Variants in ITGA2B observed in about 807,000 individuals in gnomAD.
The protein encoded by ITGA2B is integrin alpha-IIb.
In ITGA2B, 91 loss-of-function variants were observed where a neutral mutation model predicts 142.0. The ratio of observed to expected loss-of-function variants is 0.64; its 90% CI spans 0.54 to 0.76. ITGA2B has a LOEUF of 0.76. ITGA2B is among the 30% of genes least tolerant of loss of function. The pLI is 0.00. For missense variants in ITGA2B, 1,231 were observed against 1,350.8 expected (o/e 0.91, Z 1.39); for synonymous variants, 536 against 567.2 (o/e 0.94, Z 0.78).
chr17:44,378,869 G>A (rs775768151), intron 18 of ITGA2B, among the ~76,000 whole-genome samples, 159 bp from the exon 19 acceptor site: 6 of 152,198 alleles, frequency 3.9e-5, no homozygotes, highest in Non-Finnish European at 8.8e-5. Flanking sequence ...ATCGGGGCTC[G>A]GGTTTATTTG....
intron 29 of ITGA2B, among the ~76,000 whole-genome samples, chr17:44,372,873 A>T (rs2143420079): frequency 6.6e-6 from 1 of 152,122 alleles, no homozygotes; most frequent in East Asian, 2.0e-4. Flanking sequence ...TGCCTGCCTC[A>T]GCCTCCCATT....
At position 44,389,388 on chromosome 17, in the gene ITGA2B, G is replaced by A. The variant is rs760833641; in HGVS notation, c.86C>T (p.Ala29Val). 5.0e-6 allele frequency: 8 copies of A among 1,614,098 alleles called. No individual in the cohort carries two copies. In the Admixed American group the frequency reaches 1.2e-4, roughly 24 times the overall value. ...LLLGPCAAPPAWALNLDPVQL... is the reference protein window; with the variant it reads ...LLLGPCAAPPVWALNLDPVQL... ...CACTGGGTCCAGGTTCAAGGCCCAG[G>A]CTGGAGGGGCAGCACAAGGTCCCAA... Residue 29 changes from alanine (A) to valine (V), a missense_variant, in exon 1 of 30, where the codon GCC (alanine) becomes GTC (valine). This residue lies in a region of ITGA2B where 318 missense variants were observed against 312.2 expected (regional missense o/e 1.02). Transcript: ENST00000262407.
chr17:44,375,560 G>A (rs764686523), intron 26 of ITGA2B, 31 bp downstream of exon 26: 1 of 1,611,736 alleles, frequency 6.2e-7, no homozygotes. Context: ...GTCCCGGGGA[G>A]GCCGGGCCAG....
In ITGA2B at chr17:44,384,116, T is replaced by C. The variant is rs773994096; in HGVS notation, c.914A>G (p.Tyr305Cys). 1 of 1,613,564 alleles carries C rather than the reference T, an allele frequency of 6.2e-7. No individual in the cohort carries two copies. Among genetic ancestry groups the C allele is most frequent in the South Asian group, 1.1e-5 (1 of 91,066 alleles). ...LGAVEILDSYYQRLHRLRGEQ... is the reference protein window; with the variant it reads ...LGAVEILDSYCQRLHRLRGEQ... Reference sequence around the variant, plus strand: ...TCCGCGCAGCCGATGCAGCCTCTGGTAGTAGGAATCCAAAATTTCCACCTG... The same window carrying C: ...TCCGCGCAGCCGATGCAGCCTCTGGCAGTAGGAATCCAAAATTTCCACCTG... Residue 305 changes from tyrosine to cysteine, a missense_variant, in exon 10 of 30, where the codon TAC becomes TGC. Tyr to Cys is a radical substitution (Grantham distance 194). Coordinates refer to ENST00000262407, the MANE Select transcript of ITGA2B (RefSeq NM_000419.5).
rs780092113 is a variant in ITGA2B at position 44,377,704 on chromosome 17, G to A, written c.2181C>T (p.Asn727=). Residue 727 remains asparagine (N), a synonymous_variant, in exon 21 of 30, where the codon AAC becomes AAT. Transcript: ENST00000262407. The part of the protein sequence containing the change: ...LCELGNPMKK[N]AQIGIAMLVS... ...CACGACCCAGCAGCCTCACCTGGGC[G>A]TTCTTCTTCATGGGGTTGCCCAGCT... 9.9e-6 allele frequency: 16 copies of A among 1,612,930 alleles called. No homozygotes were observed. In the East Asian group the frequency reaches 2.0e-4, roughly 20 times the overall value.
intron 20 of ITGA2B, 142 bp downstream of exon 20, chr17:44,378,220 C>T: frequency 8.6e-7 from 1 of 1,164,754 alleles, no homozygotes; most frequent in Non-Finnish European, 1.1e-6. Flanking sequence ...AGTATTCCTC[C>T]TCCAAATTAA....
At chr17:44,374,962 G>A (rs1471546084) in intron 27 of ITGA2B, 36 bp downstream of exon 27, 1 of 1,360,118 alleles carries the variant, frequency 7.4e-7, no homozygotes, top group African/African-American at 1.5e-5. Context: ...TCCCCGCCCA[G>A]AAGGCCCGGC....
intron 1 of ITGA2B, among the ~76,000 whole-genome samples, chr17:44,387,641 C>G (rs375864981): frequency 6.6e-6 from 1 of 151,082 alleles, no homozygotes; most frequent in Non-Finnish European, 1.5e-5. Context: ...CCCTGACCAA[C>G]ATGGAGAAAC....
At chr17:44,372,446 G>T in intron 29 of ITGA2B, 23 bp from the exon 30 acceptor site, 2 of 1,611,982 alleles carry the variant, frequency 1.2e-6, no homozygotes, top group Non-Finnish European at 8.5e-7. Context: ...GGGGGCCAAG[G>T]TCAGGGTATA....
Position 44,383,521 on chromosome 17 carries a change from C to T in ITGA2B, c.1182G>A (p.Leu394=). The change falls in exon 12 of 30, where the codon CTG becomes CTA. Residue 394 remains leucine, a synonymous_variant. Transcript: ENST00000262407. ...YGRFGSAIAP[L]GDLDRDGYND... is the part of the protein sequence containing the mutation. ...TGTAGCCATCCCGGTCGAGGTCGCC[C>T]AGGGGTGCGATGGCAGAGCCGAATC... 6.2e-7 allele frequency: 1 copy of T among 1,610,816 alleles called. No homozygotes were observed. Among genetic ancestry groups the T allele is most frequent in the East Asian group, 2.2e-5 (1 of 44,862 alleles).
chr17:44,384,413 G>C (rs1054424506), intron 8 of ITGA2B, 59 bp from the exon 9 acceptor site: 10 of 1,607,484 alleles, frequency 6.2e-6, no homozygotes, highest in Non-Finnish European at 8.5e-6. Flanking sequence ...CCCACTTCCC[G>C]CTCCCCGTTC....
chr17:44,386,626 C>G (rs2048651797), intron 1 of ITGA2B, among the ~76,000 whole-genome samples: 2 of 152,126 alleles, frequency 1.3e-5, no homozygotes, highest in Admixed American at 6.5e-5. Context: ...AGGTTTAAAT[C>G]ACAATTCTGC....
intron 22 of ITGA2B, among the ~76,000 whole-genome samples, chr17:44,376,601 C>G (rs1391381484): frequency 1.4e-5 from 2 of 147,794 alleles, no homozygotes; most frequent in Non-Finnish European, 3.0e-5. Flanking sequence ...CTTCAAAGAC[C>G]TTTTTTTTTT....
At chr17:44,384,237 G>A in intron 9 of ITGA2B, 74 bp downstream of exon 9, 2 of 1,553,052 alleles carry the variant, frequency 1.3e-6, no homozygotes, top group Non-Finnish European at 1.8e-6. Flanking sequence ...GGCGGGGGTG[G>A]GGGGCGCTCA....
In ITGA2B at chr17:44,385,602, A is replaced by G; in HGVS notation, c.523T>C (p.Ser175Pro). The G allele has an allele frequency of 6.2e-7, 1 of 1,611,290 alleles. No individual in the cohort carries two copies. Among genetic ancestry groups the G allele is most frequent in the Non-Finnish European group, 8.5e-7 (1 of 1,179,476 alleles). The change falls in exon 4 of 30, where the codon TCC (serine) becomes CCC (proline). Residue 175 changes from serine (S) to proline (P), a missense_variant. By Grantham distance (74) the Ser-to-Pro change is moderately conservative (BLOSUM62 -1). Coordinates refer to ENST00000262407, the MANE Select transcript of ITGA2B (RefSeq NM_000419.5). ...QPESGRRAEY[S>P]PCRGNTLSRI... The stretch of plus-strand genomic sequence containing the variant: ...CTCAGGGTGTTCCCGCGACAGGGGG[A>G]GTACTCGGCGCGGCGGCCGCTCTCT...
intron 26 of ITGA2B, 200 bp from the exon 27 acceptor site, chr17:44,375,311 G>C (rs1232332111): frequency 3.1e-6 from 2 of 649,602 alleles, no homozygotes; most frequent in Non-Finnish European, 5.5e-6. Flanking sequence ...GATGCAGGGA[G>C]GGTCATCCCC....
chr17:44,387,543 A>G (rs1343308213), intron 1 of ITGA2B, among the ~76,000 whole-genome samples: 1 of 147,066 alleles, frequency 6.8e-6, no homozygotes, highest in Non-Finnish European at 1.5e-5. Flanking sequence ...GAAGAAAAAA[A>G]GTCTGGGCAT....
In ITGA2B at chr17:44,380,638, G is replaced by C. The variant is rs766997708; in HGVS notation, c.1401C>G (p.Ile467Met). 43 of 1,614,050 alleles carry C rather than the reference G, an allele frequency of 2.7e-5. No homozygotes were observed. The East Asian group carries it at 7.1e-4, about 27-fold the overall frequency. ...DIDDNGYPDL[I>M]VGAYGANQVA... ...CCTGGTTGGCCCCGTAAGCTCCCAC[G>C]ATCAGGTCTATAGACATCGAGGAAT... The change falls in exon 14 of 30, where the codon ATC (isoleucine) becomes ATG (methionine). Residue 467 changes from isoleucine to methionine, a missense_variant. Around this residue, in one of 3 missense-constraint regions of ITGA2B, gnomAD observed 908 missense variants for 1,021.1 expected, o/e 0.89. Transcript: ENST00000262407.
rs775296546 is a variant in ITGA2B at position 44,380,607 on chromosome 17, C to T, written c.1432G>A (p.Val478Met). 1 of 1,614,222 alleles carries T rather than the reference C, an allele frequency of 6.2e-7. No individual in the cohort carries two copies. The highest frequency in any genetic ancestry group is 1.1e-5 in the South Asian group (1 of 91,086). ...CCTGGAGCCAGTGCTCACCTGTACA[C>T]AGCCACCTGGTTGGCCCCGTAAGCT... Reference protein sequence around the residue: ...VGAYGANQVAVYRAQPVVKAS... With the variant: ...VGAYGANQVAMYRAQPVVKAS... The change falls in exon 14 of 30, where the codon GTG (valine) becomes ATG (methionine). Residue 478 changes from valine to methionine, a missense_variant. Transcript: ENST00000262407.
Sources: allele counts gnomAD v4.1 joint callset (sites outside exome capture counted in the v4.1 genomes callset), GRCh38; gene constraint gnomAD v4.1.1; regional missense constraint gnomAD v4.1.1; transcripts MANE v1.5; gene names NCBI Gene and HGNC (gene_info 2026-07-23, HGNC 2026-07-21).